The following FRMD3 variants were observed in gnomAD, a reference collection of about 807,000 sequenced individuals.
FRMD3 encodes the protein FERM domain containing 3.
In FRMD3, 33 loss-of-function variants were observed where a neutral mutation model predicts 70.2. That is an observed-to-expected ratio of 0.47 (90% confidence interval 0.36 to 0.63). The LOEUF (loss-of-function observed/expected upper bound fraction) is 0.63, where lower values mean the gene tolerates loss of function less well. FRMD3 is among the 20% of genes least tolerant of loss of function. FRMD3 has a pLI of 0.00. For missense variants in FRMD3, 632 were observed against 711.4 expected, an observed-to-expected ratio of 0.89 and a Z score of 1.27; for synonymous variants, 279 against 255.9, an observed-to-expected ratio of 1.09 and a Z score of -0.86.
intron 1 of FRMD3, among the ~76,000 whole-genome samples, chr9:83,442,910 C>T (rs961353632): frequency 7.2e-5 from 11 of 152,174 alleles, no homozygotes; most frequent in African/African-American, 2.4e-4. Context: ...ACTTCTGCAA[C>T]ATGTCTTATG....
intron 1 of FRMD3, among the ~76,000 whole-genome samples, chr9:83,404,075 C>A (rs1434799380): frequency 6.6e-6 from 1 of 151,352 alleles, no homozygotes; most frequent in Non-Finnish European, 1.5e-5. Context: ...CACGCACACA[C>A]ACACACACAC....
chr9:83,367,901 T>C (rs1824841558), intron 3 of FRMD3, among the ~76,000 whole-genome samples: 1 of 152,198 alleles, frequency 6.6e-6, no homozygotes, highest in East Asian at 1.9e-4. Flanking sequence ...ATTGGTAATT[T>C]GTGTCTTCTC....
chr9:83,571,897 G>A, the FRMD3 span, among the ~76,000 whole-genome samples: 1 of 152,210 alleles, frequency 6.6e-6, no homozygotes, highest in African/African-American at 2.4e-5. Flanking sequence ...GTAAACAGTG[G>A]TTCCCAACAT....
chr9:83,484,675 C>T (rs1028465963), intron 1 of FRMD3, among the ~76,000 whole-genome samples: 1 of 152,190 alleles, frequency 6.6e-6, no homozygotes, highest in Non-Finnish European at 1.5e-5. Flanking sequence ...ACCTTGGCCT[C>T]TCAAAGTGCT....
intron 6 of FRMD3, among the ~76,000 whole-genome samples, chr9:83,330,744 C>A (rs1239777277): frequency 6.6e-6 from 1 of 152,224 alleles, no homozygotes; most frequent in Non-Finnish European, 1.5e-5. Flanking sequence ...TGAGTCACTG[C>A]ACTAGAGACC....
At chr9:83,267,405 T>G (rs1036049443) in intron 13 of FRMD3, 32 of 882,742 alleles carry the variant, frequency 3.6e-5, no homozygotes, top group Non-Finnish European at 4.7e-5. Context: ...TTTCTAAACC[T>G]TCCGGACCAA....
intron 1 of FRMD3, among the ~76,000 whole-genome samples, chr9:83,530,267 G>A (rs1424659174): frequency 6.6e-6 from 1 of 152,178 alleles, no homozygotes; most frequent in African/African-American, 2.4e-5. Context: ...AACAAAATGT[G>A]ATATATCTAT....
At chr9:83,536,766 C>T (rs1352088014) in intron 1 of FRMD3, among the ~76,000 whole-genome samples, 1 of 151,496 alleles carries the variant, frequency 6.6e-6, no homozygotes, top group African/African-American at 2.4e-5. Flanking sequence ...TGCAACTGCC[C>T]CCAACATGTC....
intron 6 of FRMD3, chr9:83,331,993 C>G: frequency 1.5e-6 from 1 of 670,426 alleles, no homozygotes; most frequent in East Asian, 2.7e-5. Context: ...CCTTGTGGCT[C>G]AACATCTGGC....
At chr9:83,474,141 T>C (rs1447074553) in intron 1 of FRMD3, among the ~76,000 whole-genome samples, 1 of 152,096 alleles carries the variant, frequency 6.6e-6, no homozygotes, top group Non-Finnish European at 1.5e-5. Flanking sequence ...CTTCAAAAAA[T>C]CACTACCGCA....
chr9:83,479,720 GAAA>G (rs1241759336), intron 1 of FRMD3, among the ~76,000 whole-genome samples: 1 of 54,966 alleles, frequency 1.8e-5, no homozygotes, highest in Non-Finnish European at 3.3e-5. Context: ...AAGAAAGAAA[GAAA>G]AGAAAGGGAA....
intron 1 of FRMD3, among the ~76,000 whole-genome samples, chr9:83,436,305 AT>A (rs1279330513): frequency 6.6e-6 from 1 of 152,190 alleles, no homozygotes; most frequent in Non-Finnish European, 1.5e-5. Flanking sequence ...CTGAAACATA[AT>A]TAAATAAAGT....
chr9:83,507,620 T>C (rs1182741750), intron 1 of FRMD3, among the ~76,000 whole-genome samples: 1 of 134,934 alleles, frequency 7.4e-6, no homozygotes, highest in Admixed American at 7.6e-5. Context: ...CAGTGAGCCA[T>C]GATCGCGCCA....
chr9:83,473,750 G>T (rs539409297), intron 1 of FRMD3, among the ~76,000 whole-genome samples: 1 of 152,254 alleles, frequency 6.6e-6, no homozygotes, highest in African/African-American at 2.4e-5. Flanking sequence ...TTATGCCAAC[G>T]TCCACTTTCC....
chr9:83,337,415 C>A (rs1043462875), intron 5 of FRMD3, among the ~76,000 whole-genome samples: 6 of 152,188 alleles, frequency 3.9e-5, no homozygotes, highest in Admixed American at 3.9e-4. Flanking sequence ...GCCTACACAT[C>A]TCTGAGCACC....
At chr9:83,582,125 T>C in the FRMD3 span, among the ~76,000 whole-genome samples, 2 of 152,010 alleles carry the variant, frequency 1.3e-5, no homozygotes, top group Admixed American at 1.3e-4. Context: ...CCAGCTGGAG[T>C]ACAGTGGCAC....
the FRMD3 span, among the ~76,000 whole-genome samples, chr9:83,567,050 G>A: frequency 6.6e-6 from 1 of 152,206 alleles, no homozygotes; most frequent in African/African-American, 2.4e-5. Context: ...CTCCATGAGG[G>A]CCCTGCCCCT....
the FRMD3 span, among the ~76,000 whole-genome samples, chr9:83,581,131 T>G: frequency 2.4e-3 from 366 of 152,166 alleles, 1 homozygote; most frequent in African/African-American, 8.1e-3. Flanking sequence ...AATTTTAAAA[T>G]GCTAAAACAA....
At chr9:83,582,918 G>A in the FRMD3 span, among the ~76,000 whole-genome samples, 4 of 152,138 alleles carry the variant, frequency 2.6e-5, no homozygotes, top group African/African-American at 4.8e-5. Flanking sequence ...TGTAAGAGAC[G>A]TTGCAATTTG....
Sources: allele counts gnomAD v4.1 joint callset (sites outside exome capture counted in the v4.1 genomes callset), GRCh38; gene constraint gnomAD v4.1.1; transcripts MANE v1.5; gene names NCBI Gene and HGNC (gene_info 2026-07-23, HGNC 2026-07-21).